The following RNGTT variants were observed in gnomAD, a reference collection of about 807,000 sequenced individuals.
RNGTT encodes the protein RNA guanylyltransferase and 5'-phosphatase, also known as mRNA-capping enzyme.
RNGTT carries 33 observed loss-of-function variants against 79.3 expected under a neutral mutation model. The ratio of observed to expected loss-of-function variants is 0.42; its 90% confidence interval spans 0.32 to 0.56. The LOEUF (loss-of-function observed/expected upper bound fraction) is 0.56. Ranked by LOEUF, RNGTT falls within the 20% of genes least tolerant of loss-of-function variation. The pLI is 0.17. For synonymous variants in RNGTT, 222 were observed against 235.9 expected (o/e 0.94, Z 0.54); for missense variants, 497 against 739.1 (o/e 0.67, Z 3.80).
intron 2 of RNGTT, among the ~76,000 whole-genome samples, chr6:88,936,021 G>C (rs2127956566): frequency 6.6e-6 from 1 of 152,304 alleles, no homozygotes; most frequent in South Asian, 2.1e-4. Context: ...CTGGGCTCAA[G>C]TGATCCTCCC....
At chr6:88,924,146 G>A (rs1784247630) in intron 4 of RNGTT, among the ~76,000 whole-genome samples, 1 of 152,226 alleles carries the variant, frequency 6.6e-6, no homozygotes, top group African/African-American at 2.4e-5. Flanking sequence ...AACATGCCAT[G>A]TGCAAGGGCC....
chr6:88,771,340 TATATATATATAC>T (rs1323145708), intron 12 of RNGTT, among the ~76,000 whole-genome samples: 5 of 130,598 alleles, frequency 3.8e-5, no homozygotes, highest in African/African-American at 1.5e-4. Flanking sequence ...TATATATATA[TATATATATATAC>T]ACACACACAC....
Position 88,611,393 on chromosome 6 carries a change from G to C in RNGTT, c.*1326C>G, listed in dbSNP as rs950450227. 10 of 152,290 alleles carry C rather than the reference G, an allele frequency of 6.6e-5. No individual in the cohort carries two copies. Among genetic ancestry groups the C allele is most frequent in the African/African-American group, 2.4e-4 (10 of 41,140 alleles). The allele number at this position is 152,290 out of a possible 1,614,324, so 9.4% of individuals were successfully genotyped here. A position where few individuals can be genotyped will look rare whatever the true frequency, so the allele number is the denominator to read the frequency against. On this transcript the variant is annotated 3_prime_UTR_variant, in exon 16 of 16. Coordinates refer to ENST00000369485, the MANE Select transcript of RNGTT (RefSeq NM_003800.5). The stretch of plus-strand genomic sequence containing the variant: ...CATTTACATATACAATTCAGACCAT[G>C]AAAATTTGTTTTAAATACATTTACT...
intron 1 of RNGTT, among the ~76,000 whole-genome samples, chr6:88,953,365 A>G (rs1004665131): frequency 6.6e-6 from 1 of 152,152 alleles, no homozygotes; most frequent in African/African-American, 2.4e-5. Flanking sequence ...AACAAGTAGA[A>G]GAAAGTACTT....
At chr6:88,712,893 T>C (rs1036744669) in intron 13 of RNGTT, among the ~76,000 whole-genome samples, 2 of 152,190 alleles carry the variant, frequency 1.3e-5, no homozygotes, top group Non-Finnish European at 2.9e-5. Context: ...TACAAATGAA[T>C]TGCTACATCA....
chr6:88,662,896 T>C (rs987928608), intron 14 of RNGTT, among the ~76,000 whole-genome samples: 13 of 152,156 alleles, frequency 8.5e-5, no homozygotes, highest in African/African-American at 1.7e-4. Flanking sequence ...TCCATCTGAG[T>C]GGAAGTGTGG....
chr6:88,735,026 A>G (rs1200475558), intron 13 of RNGTT, among the ~76,000 whole-genome samples: 1 of 152,184 alleles, frequency 6.6e-6, no homozygotes, highest in Non-Finnish European at 1.5e-5. Flanking sequence ...GCTGAGGAGC[A>G]TCTGTATTTA....
chr6:88,614,501 C>A, intron 14 of RNGTT, 106 bp from the exon 15 acceptor site: 1 of 1,053,142 alleles, frequency 9.5e-7, no homozygotes, highest in Non-Finnish European at 1.4e-6. Context: ...CTCAGTAACT[C>A]TTCATGCAGA....
intron 8 of RNGTT, among the ~76,000 whole-genome samples, chr6:88,887,211 T>C (rs1309074168): frequency 6.6e-6 from 1 of 152,166 alleles, no homozygotes; most frequent in Non-Finnish European, 1.5e-5. Context: ...TAAATATTGT[T>C]ACGAGATATA....
chr6:88,649,898 T>C (rs1366986795), intron 14 of RNGTT, among the ~76,000 whole-genome samples: 1 of 151,922 alleles, frequency 6.6e-6, no homozygotes, highest in African/African-American at 2.4e-5. Context: ...TCAAGGAGAG[T>C]GGACCAAGTA....
At chr6:88,644,114 T>C (rs920083886) in intron 14 of RNGTT, among the ~76,000 whole-genome samples, 2 of 151,592 alleles carry the variant, frequency 1.3e-5, no homozygotes, top group East Asian at 1.9e-4. Flanking sequence ...GGAAGACTAA[T>C]AAAGAAGAAA....
chr6:88,908,706 C>T (rs1208939577), intron 4 of RNGTT, among the ~76,000 whole-genome samples: 1 of 152,184 alleles, frequency 6.6e-6, no homozygotes, highest in Non-Finnish European at 1.5e-5. Context: ...CACCATAGGG[C>T]CCATCCTCCA....
At chr6:88,724,390 A>G (rs2127815341) in intron 13 of RNGTT, among the ~76,000 whole-genome samples, 1 of 152,328 alleles carries the variant, frequency 6.6e-6, no homozygotes, top group East Asian at 1.9e-4. Flanking sequence ...ATTGTGTTAC[A>G]ATTGCCTACA....
At chr6:88,656,464 C>T (rs1773981164) in intron 14 of RNGTT, among the ~76,000 whole-genome samples, 1 of 151,806 alleles carries the variant, frequency 6.6e-6, no homozygotes, top group Non-Finnish European at 1.5e-5. Context: ...AAAATTTTCT[C>T]TGAAAACTTA....
chr6:88,941,782 G>A (rs1171948483), intron 1 of RNGTT, among the ~76,000 whole-genome samples: 8 of 151,058 alleles, frequency 5.3e-5, no homozygotes, highest in African/African-American at 1.9e-4. Flanking sequence ...TCCTGCCTCA[G>A]CCAAGGACAA....
chr6:88,764,314 ATT>A (rs2127838496), intron 13 of RNGTT, among the ~76,000 whole-genome samples: 1 of 152,328 alleles, frequency 6.6e-6, no homozygotes, highest in South Asian at 2.1e-4. Context: ...TGGTATGTCT[ATT>A]AACATCACAC....
intron 13 of RNGTT, among the ~76,000 whole-genome samples, chr6:88,680,815 C>A (rs1483857648): frequency 1.3e-5 from 2 of 150,466 alleles, no homozygotes; most frequent in African/African-American, 4.9e-5. Flanking sequence ...AAATACAATT[C>A]TGAATTAAGC....
At chr6:88,741,978 A>T (rs1221944921) in intron 13 of RNGTT, among the ~76,000 whole-genome samples, 2 of 152,182 alleles carry the variant, frequency 1.3e-5, no homozygotes, top group Non-Finnish European at 2.9e-5. Context: ...AAATAACCTA[A>T]ATCTAAAACA....
In RNGTT at chr6:88,829,819, C is replaced by G. The variant is rs185246420; in HGVS notation, c.1269+14538G>C. 6.1e-3 allele frequency among the ~76,000 whole-genome samples: 919 copies of G among 151,630 alleles called. 18 individuals are homozygous for G. The highest frequency in any genetic ancestry group is 0.02 in the African/African-American group (839 of 41,336). ...GGGCATTACATAATGGTAAAGGGATCAATGCAACAAGAAGAGGTAACTATC... is the reference window on the plus strand; with the variant it reads ...GGGCATTACATAATGGTAAAGGGATGAATGCAACAAGAAGAGGTAACTATC... On this transcript the variant is annotated intron_variant, in intron 11 of 15. Coordinates refer to ENST00000369485, the MANE Select transcript of RNGTT (RefSeq NM_003800.5).
Sources: gnomAD v4.1 joint callset for allele counts (sites outside exome capture counted in the v4.1 genomes callset) on GRCh38, gnomAD v4.1.1 for gene constraint, MANE v1.5 for transcripts, NCBI Gene and HGNC (gene_info 2026-07-23, HGNC 2026-07-21) for gene names.